Variants in PLCB4 observed in about 807,000 individuals in gnomAD.
PLCB4 encodes 1-phosphatidylinositol 4,5-bisphosphate phosphodiesterase beta-4.
In PLCB4, 77 loss-of-function variants were observed where a neutral mutation model predicts 178.8. The ratio of observed to expected loss-of-function variants is 0.43; its 90% confidence interval spans 0.36 to 0.52. The LOEUF is 0.52. Among genes scored for constraint, PLCB4 ranks in the 20% least tolerant of loss-of-function variants. The probability of loss-of-function intolerance (pLI) is 0.00; values close to 1 mark genes in which losing one functional copy is unlikely to be tolerated. For synonymous variants in PLCB4, 496 were observed against 490.8 expected, an observed-to-expected ratio of 1.01 and a Z score of -0.14; for missense variants, 1,024 against 1,453.4, an observed-to-expected ratio of 0.70 and a Z score of 4.80.
intron 2 of PLCB4, among the ~76,000 whole-genome samples, chr20:9,097,504 A>C (rs1481347002): frequency 1.3e-5 from 2 of 151,962 alleles, no homozygotes; most frequent in East Asian, 3.9e-4. Context: ...TTATCCTTTC[A>C]TGTTATCCTC....
intron 13 of PLCB4, among the ~76,000 whole-genome samples, chr20:9,382,026 G>A (rs2037183989): frequency 6.6e-6 from 1 of 152,096 alleles, no homozygotes; most frequent in Non-Finnish European, 1.5e-5. Flanking sequence ...TCTCCATCTG[G>A]ATGTTGAATG....
intron 32 of PLCB4, among the ~76,000 whole-genome samples, chr20:9,452,756 G>A (rs1038232002): frequency 2.6e-5 from 4 of 152,158 alleles, no homozygotes; most frequent in Non-Finnish European, 5.9e-5. Flanking sequence ...CTCATAAACT[G>A]CTTCTAGATA....
chr20:9,299,891 C>T (rs1436248606), intron 3 of PLCB4, among the ~76,000 whole-genome samples: 1 of 151,954 alleles, frequency 6.6e-6, no homozygotes, highest in Non-Finnish European at 1.5e-5. Context: ...TATGCCCTCA[C>T]CCCATCCATC....
intron 4 of PLCB4, among the ~76,000 whole-genome samples, chr20:9,322,497 T>C (rs1360915111): frequency 6.6e-6 from 1 of 152,236 alleles, no homozygotes; most frequent in Non-Finnish European, 1.5e-5. Context: ...AGAACGTTAA[T>C]TGAAGCAGAT....
chr20:9,341,345 C>A (rs1482616975), intron 7 of PLCB4, among the ~76,000 whole-genome samples: 1 of 152,042 alleles, frequency 6.6e-6, no homozygotes, highest in Non-Finnish European at 1.5e-5. Context: ...AACTTAATAG[C>A]CTACTGTTAA....
intron 33 of PLCB4, among the ~76,000 whole-genome samples, chr20:9,456,960 G>C (rs1348678091): frequency 6.6e-6 from 1 of 152,124 alleles, no homozygotes; most frequent in Non-Finnish European, 1.5e-5. Flanking sequence ...AGCAAAAATT[G>C]CCCTGTGGTG....
intron 3 of PLCB4, among the ~76,000 whole-genome samples, chr20:9,235,700 C>A (rs1438611967): frequency 6.6e-6 from 1 of 152,200 alleles, no homozygotes. Context: ...CTTGCAGACA[C>A]CAGCTGGTTT....
At chr20:9,404,604 C>T (rs1393733282) in intron 20 of PLCB4, among the ~76,000 whole-genome samples, 3 of 65,726 alleles carry the variant, frequency 4.6e-5, no homozygotes, top group South Asian at 1.1e-3. Context: ...GACTGTGTCT[C>T]AAAAAAAAAA....
rs746311198 is a variant in PLCB4, at chr20:9,304,058, T to C, written c.-15-3742T>C. Among the ~76,000 whole-genome samples, 6 of 151,998 alleles carry C rather than the reference T, an allele frequency of 3.9e-5. No homozygotes were observed. The East Asian group carries it at 9.7e-4, about 25-fold the overall frequency. On this transcript the variant is annotated intron_variant, in intron 3 of 39. Transcript: ENST00000378473. The stretch of plus-strand genomic sequence containing the variant: ...TTGCTCTAAGTACTTGCCAAATATA[T>C]ATCCAATTCAGAAAACAATTAACTT...
intron 1 of PLCB4, among the ~76,000 whole-genome samples, chr20:9,088,160 T>A (rs1039218897): frequency 7.7e-6 from 1 of 129,554 alleles, no homozygotes; most frequent in Non-Finnish European, 1.6e-5. Flanking sequence ...CAATTTATTA[T>A]GGCTTTTCTT....
At chr20:9,225,712 A>C (rs967429908) in intron 3 of PLCB4, among the ~76,000 whole-genome samples, 1 of 152,142 alleles carries the variant, frequency 6.6e-6, no homozygotes, top group African/African-American at 2.4e-5. Context: ...GAACTGAAAT[A>C]TGGATTTTTT....
rs188111357 is a variant in PLCB4, at chr20:9,140,609, C to T, written c.-79+44267C>T. On this transcript the variant is annotated intron_variant, in intron 2 of 39. Coordinates refer to ENST00000378473, the MANE Select transcript of PLCB4 (RefSeq NM_001377142.1). ...CTCATGACTGTCTCGGTGCCCTCCC[C>T]GTAGTAATGAGTGAGTTCTTGTTCT... is the stretch of plus-strand genomic sequence containing the variant. 3.6e-3 allele frequency among the ~76,000 whole-genome samples: 548 copies of T among 151,742 alleles called. 3 individuals carry two copies. Among genetic ancestry groups the T allele is most frequent in the Non-Finnish European group, 6.2e-3 (418 of 67,908 alleles).
intron 2 of PLCB4, among the ~76,000 whole-genome samples, chr20:9,109,854 T>C (rs1434053985): frequency 2.6e-5 from 4 of 152,172 alleles, no homozygotes. Context: ...CTTCTGGAAA[T>C]TGTCATCTGG....
chr20:9,197,710 G>A (rs536030533), intron 2 of PLCB4, among the ~76,000 whole-genome samples: 1 of 152,180 alleles, frequency 6.6e-6, no homozygotes, highest in African/African-American at 2.4e-5. Context: ...GCGCGGTGGC[G>A]CATGCCTGTA....
intron 2 of PLCB4, among the ~76,000 whole-genome samples, chr20:9,181,788 AG>A: frequency 6.6e-6 from 1 of 152,294 alleles, no homozygotes; most frequent in South Asian, 2.1e-4. Context: ...TTGGGAGTGG[AG>A]GACACAAATG....
In PLCB4 at chr20:9,419,871, C is replaced by T. The variant is rs1368423069; in HGVS notation, c.2116C>T (p.Pro706Ser). The T allele has an allele frequency of 1.2e-6, 2 of 1,613,946 alleles. No individual in the cohort carries two copies. Among genetic ancestry groups the T allele is most frequent in the South Asian group, 1.1e-5 (1 of 91,076 alleles). Residue 706 changes from proline (P) to serine (S), a missense_variant, in exon 26 of 40, where the codon CCT becomes TCT. Transcript: ENST00000378473. ...DRTFDPFSET[P>S]VDGVIAATCS... ...AACATTTGACCCCTTCTCTGAAACTCCTGTTGATGGTGTTATTGCAGCCAC... is the reference window on the plus strand; with the variant it reads ...AACATTTGACCCCTTCTCTGAAACTTCTGTTGATGGTGTTATTGCAGCCAC...
intron 3 of PLCB4, among the ~76,000 whole-genome samples, chr20:9,305,629 CTT>C: frequency 6.6e-6 from 1 of 152,182 alleles, no homozygotes; most frequent in Non-Finnish European, 1.5e-5. Flanking sequence ...CCATCTCTCT[CTT>C]ATTTCTCTAT....
chr20:9,360,855 TA>T (rs1194663335), intron 7 of PLCB4, among the ~76,000 whole-genome samples: 1 of 152,254 alleles, frequency 6.6e-6, no homozygotes, highest in African/African-American at 2.4e-5. Flanking sequence ...AAAGAAAATT[TA>T]CCTCTTATAA....
intron 10 of PLCB4, 136 bp downstream of exon 10, chr20:9,371,431 T>C (rs562487281): frequency 1.1e-5 from 5 of 444,484 alleles, no homozygotes; most frequent in Non-Finnish European, 2.0e-5. Flanking sequence ...ATAGTACAGT[T>C]AATTTTCTTT....
Sources: gnomAD v4.1 joint callset for allele counts (sites outside exome capture counted in the v4.1 genomes callset) on GRCh38, gnomAD v4.1.1 for gene constraint, MANE v1.5 for transcripts, NCBI Gene and HGNC (gene_info 2026-07-23, HGNC 2026-07-21) for gene names.